The following PARP8 variants were observed in gnomAD, a reference collection of about 807,000 sequenced individuals.
PARP8 encodes the protein protein mono-ADP-ribosyltransferase PARP8.
Under a neutral mutation model 124.1 loss-of-function variants are expected in PARP8, and 51 were observed. The ratio of observed to expected loss-of-function variants is 0.41; its 90% CI spans 0.33 to 0.52. The LOEUF is 0.52. PARP8 is among the 20% of genes least tolerant of loss of function. The pLI, the probability that PARP8 is intolerant of heterozygous loss-of-function variation, is 0.21. For missense variants in PARP8, 860 were observed against 1,018.9 expected, an observed-to-expected ratio of 0.84 and a Z score of 2.12; for synonymous variants, 391 against 361.5, an observed-to-expected ratio of 1.08 and a Z score of -0.93.
rs1218029525 is a variant in PARP8, at chr5:50,846,416, G to A, written c.*4348G>A. The A allele has an allele frequency of 3.3e-5, 5 of 151,644 alleles. No homozygotes were observed. The East Asian group carries it at 9.7e-4, about 29-fold the overall frequency. The allele number at this position is 151,644 out of a possible 1,614,324, so 9.4% of individuals were successfully genotyped here. A position where few individuals can be genotyped will look rare whatever the true frequency, so the allele number is the denominator to read the frequency against. On this transcript the variant is annotated 3_prime_UTR_variant, in exon 26 of 26. Transcript: ENST00000281631. ...TCTCTATTCACTTTTTATTGCTCTTGCTTTCTATTGCTACTAAAGCCTCTT... is the reference window on the plus strand; with the variant it reads ...TCTCTATTCACTTTTTATTGCTCTTACTTTCTATTGCTACTAAAGCCTCTT...
chr5:50,766,267 G>T (rs1761048931), intron 7 of PARP8, among the ~76,000 whole-genome samples: 1 of 152,162 alleles, frequency 6.6e-6, no homozygotes, highest in South Asian at 2.1e-4. Context: ...ATAGTCTTTT[G>T]TATAGGAAGT....
chr5:50,786,359 ATCTTTTTTTTT>A (rs1358447818), intron 9 of PARP8, among the ~76,000 whole-genome samples: 1 of 149,820 alleles, frequency 6.7e-6, no homozygotes, highest in Non-Finnish European at 1.5e-5. Flanking sequence ...CTCCTTGAAA[ATCTTTTTTTTT>A]TCTTTTTTTT....
chr5:50,701,065 G>A (rs1177847511), intron 2 of PARP8, among the ~76,000 whole-genome samples: 4 of 152,190 alleles, frequency 2.6e-5, no homozygotes, highest in East Asian at 3.9e-4. Context: ...CATTGTTTGA[G>A]TACCCTCTTC....
intron 2 of PARP8, among the ~76,000 whole-genome samples, chr5:50,728,959 A>T (rs563762208): frequency 3.2e-4 from 48 of 152,270 alleles, no homozygotes; most frequent in Admixed American, 1.0e-3. Context: ...GCAACTTATT[A>T]TCTAATTTTT....
At chr5:50,800,649 G>A (rs1211914476) in intron 14 of PARP8, among the ~76,000 whole-genome samples, 1 of 151,340 alleles carries the variant, frequency 6.6e-6, no homozygotes, top group Admixed American at 6.6e-5. Flanking sequence ...GTTTTTCTAT[G>A]TCTCTTGATA....
rs796420762 is a variant in PARP8 at position 50,773,832 on chromosome 5, A to T, written c.519-4237A>T. Among the ~76,000 whole-genome samples the T allele has an allele frequency of 2.0e-3, 267 of 136,082 alleles. 2 individuals carry two copies. Among genetic ancestry groups the T allele is most frequent in the African/African-American group, 7.0e-3 (252 of 36,030 alleles). The allele number at this position is 136,082 out of a possible 152,430, so 89.3% of individuals were successfully genotyped here. ...GTGTCCTGATGAACTTATTTCATTA[A>T]TTTTTTTTTTTTTTTTTTAGTATTT... is the stretch of plus-strand genomic sequence containing the variant. On this transcript the variant is annotated intron_variant, in intron 7 of 25. Coordinates refer to ENST00000281631, the MANE Select transcript of PARP8 (RefSeq NM_024615.4).
intron 10 of PARP8, among the ~76,000 whole-genome samples, chr5:50,792,097 T>C (rs187002592): frequency 1.3e-4 from 20 of 152,306 alleles, no homozygotes; most frequent in African/African-American, 4.6e-4. Flanking sequence ...TCATCTGCTC[T>C]TGACGCGATG....
At chr5:50,758,318 C>T (rs1421721939) in intron 3 of PARP8, among the ~76,000 whole-genome samples, 2 of 152,146 alleles carry the variant, frequency 1.3e-5, no homozygotes, top group African/African-American at 4.8e-5. Flanking sequence ...ATGAGGCAAA[C>T]ATCTTTTGTC....
At chr5:50,808,677 A>G (rs1437897142) in intron 14 of PARP8, among the ~76,000 whole-genome samples, 1 of 152,082 alleles carries the variant, frequency 6.6e-6, no homozygotes, top group East Asian at 1.9e-4. Flanking sequence ...ACAAAAGGAA[A>G]GCAGTATGGC....
intron 2 of PARP8, among the ~76,000 whole-genome samples, chr5:50,688,503 GT>G (rs1349708185): frequency 6.6e-6 from 1 of 152,180 alleles, no homozygotes; most frequent in African/African-American, 2.4e-5. Context: ...AATGCATGTG[GT>G]GGGGATAATG....
rs534732041 is a variant in PARP8, at chr5:50,823,406, A to G, written c.1860+1006A>G. On this transcript the variant is annotated intron_variant, in intron 17 of 25. Coordinates refer to ENST00000281631, the MANE Select transcript of PARP8 (RefSeq NM_024615.4). ...ACTCAATAAATAGTGTGTGTCTGGC[A>G]AAGAGTAAACAAGAGATCCTTTAAT... 2.0e-5 allele frequency among the ~76,000 whole-genome samples: 3 copies of G among 152,372 alleles called. No individual in the cohort carries two copies. The East Asian group carries it at 5.8e-4, about 29-fold the overall frequency.
chr5:50,677,207 G>A (rs746230939), intron 2 of PARP8, among the ~76,000 whole-genome samples: 9 of 151,820 alleles, frequency 5.9e-5, no homozygotes, highest in Admixed American at 2.0e-4. Context: ...GAAGAGACTC[G>A]TAGATATTGA....
At chr5:50,839,652 G>C (rs1010066384) in intron 25 of PARP8, among the ~76,000 whole-genome samples, 4 of 120,074 alleles carry the variant, frequency 3.3e-5, no homozygotes, top group African/African-American at 1.3e-4. Flanking sequence ...TAAGCATACT[G>C]TCTCTCTCTT....
chr5:50,781,699 T>C (rs1277910271), intron 9 of PARP8, among the ~76,000 whole-genome samples: 1 of 152,090 alleles, frequency 6.6e-6, no homozygotes, highest in African/African-American at 2.4e-5. Context: ...TCCTGGGGAG[T>C]GCAGATAAGT....
chr5:50,681,049 GA>G (rs1216170955), intron 2 of PARP8, among the ~76,000 whole-genome samples: 11 of 151,976 alleles, frequency 7.2e-5, no homozygotes, highest in African/African-American at 2.7e-4. Context: ...AATTTATGTA[GA>G]TATTTTCCCT....
chr5:50,695,335 C>T (rs1366113312), intron 2 of PARP8, among the ~76,000 whole-genome samples: 1 of 152,148 alleles, frequency 6.6e-6, no homozygotes, highest in African/African-American at 2.4e-5. Context: ...GTAGCACACC[C>T]AATGCTTAGA....
intron 20 of PARP8, 97 bp from the exon 21 acceptor site, chr5:50,828,215 A>G (rs1746557758): frequency 7.7e-7 from 1 of 1,301,272 alleles, no homozygotes; most frequent in South Asian, 1.3e-5. Flanking sequence ...TTGGCAATCC[A>G]GAACCTTCAG....
In PARP8 at chr5:50,666,910, C is replaced by CCTG. The variant is rs1397007239; in HGVS notation, c.-184_-183insGCT. 1 of 1,331,706 alleles carries CCTG rather than the reference C, an allele frequency of 7.5e-7. No individual in the cohort carries two copies. The highest frequency in any genetic ancestry group is 9.7e-7 in the Non-Finnish European group (1 of 1,034,050). The allele number at this position is 1,331,706 out of a possible 1,614,324, so 82.5% of individuals were successfully genotyped here. A position where few individuals can be genotyped will look rare whatever the true frequency, so the allele number is the denominator to read the frequency against. On this transcript the variant is annotated 5_prime_UTR_variant, in exon 1 of 26. Coordinates refer to ENST00000281631, the MANE Select transcript of PARP8 (RefSeq NM_024615.4). Reference sequence around the variant, plus strand: ...AATGCAAAGCCGACCTCCCCCTCCTCCTCCTCCTCCCCCTCCTCCTCCTCC... The same window carrying CCTG: ...AATGCAAAGCCGACCTCCCCCTCCTCCTGCTCCTCCTCCCCCTCCTCCTCCTCC...
intron 2 of PARP8, among the ~76,000 whole-genome samples, chr5:50,746,567 T>C (rs1758565631): frequency 6.6e-6 from 1 of 152,214 alleles, no homozygotes; most frequent in Non-Finnish European, 1.5e-5. Flanking sequence ...AAAATACTAC[T>C]GTGCTTTAAA....
Sources: allele counts gnomAD v4.1 joint callset (sites outside exome capture counted in the v4.1 genomes callset), GRCh38; gene constraint gnomAD v4.1.1; transcripts MANE v1.5; gene names NCBI Gene and HGNC (gene_info 2026-07-23, HGNC 2026-07-21).